Variants in DLG2 observed in about 807,000 individuals in gnomAD.
DLG2 encodes the protein disks large homolog 2.
DLG2 carries 45 observed loss-of-function variants against 132.5 expected under a neutral mutation model. The ratio of observed to expected loss-of-function variants is 0.34; its 90% CI spans 0.27 to 0.44. DLG2 has a LOEUF of 0.44. DLG2 is among the 20% of genes least tolerant of loss of function. The pLI is 1.00. For missense variants in DLG2, 1,045 were observed against 1,196.9 expected, an observed-to-expected ratio of 0.87 and a Z score of 1.87; for synonymous variants, 424 against 419.6, an observed-to-expected ratio of 1.01 and a Z score of -0.13.
At chr11:84,993,388 G>A (rs192012010) in intron 6 of DLG2, among the ~76,000 whole-genome samples, 241 of 152,240 alleles carry the variant, frequency 1.6e-3, no homozygotes, top group African/African-American at 5.6e-3. Flanking sequence ...ATTAAAGATA[G>A]GTATAGTAAT....
chr11:83,606,006 C>T (rs2059283325), intron 19 of DLG2, among the ~76,000 whole-genome samples: 1 of 152,228 alleles, frequency 6.6e-6, no homozygotes, highest in African/African-American at 2.4e-5. Context: ...TGAGTGACTT[C>T]ACTATACTAG....
At chr11:84,658,990 T>G (rs2099691498) in intron 6 of DLG2, among the ~76,000 whole-genome samples, 1 of 152,186 alleles carries the variant, frequency 6.6e-6, no homozygotes, top group South Asian at 2.1e-4. Flanking sequence ...TCAAATCTGT[T>G]GGCGCCTTGA....
At chr11:84,418,890 T>A (rs1296873971) in intron 7 of DLG2, among the ~76,000 whole-genome samples, 2 of 152,210 alleles carry the variant, frequency 1.3e-5, no homozygotes, top group Admixed American at 1.3e-4. Flanking sequence ...TTTCCATATT[T>A]TCCTTGGAAT....
At chr11:83,971,459 A>G (rs1221891025) in intron 12 of DLG2, among the ~76,000 whole-genome samples, 1 of 152,212 alleles carries the variant, frequency 6.6e-6, no homozygotes, top group Non-Finnish European at 1.5e-5. Context: ...GTGGGAATTC[A>G]AATGTGTGTA....
chr11:84,694,987 T>C (rs2058466232), intron 6 of DLG2, among the ~76,000 whole-genome samples: 1 of 151,590 alleles, frequency 6.6e-6, no homozygotes, highest in Non-Finnish European at 1.5e-5. Context: ...TCATTGCTCC[T>C]GGGCTTTGTG....
chr11:85,487,399 T>C (rs1463868397), intron 3 of DLG2, among the ~76,000 whole-genome samples: 1 of 140,056 alleles, frequency 7.1e-6, no homozygotes, highest in Non-Finnish European at 1.5e-5. Flanking sequence ...AAGAAAACTC[T>C]ACAAAATAAT....
chr11:83,651,730 T>C lies in DLG2; in HGVS notation c.1826-18405A>G, dbSNP rs1382068085. The C allele has an allele frequency of 7.3e-6, 3 of 411,242 alleles. No homozygotes were observed. The Admixed American group carries it at 8.2e-5, about 11-fold the overall frequency. The allele number at this position is 411,242 out of a possible 1,614,324, so 25.5% of individuals were successfully genotyped here. On this transcript the variant is annotated intron_variant, in intron 18 of 27. Coordinates refer to ENST00000376104, the MANE Select transcript of DLG2 (RefSeq NM_001142699.3). ...AAGAGAATGCCCTCGGAAGTCTACTTTATAATGCTGTTTGGTTCTAAGTAA... is the reference window on the plus strand; with the variant it reads ...AAGAGAATGCCCTCGGAAGTCTACTCTATAATGCTGTTTGGTTCTAAGTAA...
chr11:83,622,994 T>C (rs2061866523), intron 19 of DLG2, among the ~76,000 whole-genome samples: 1 of 152,220 alleles, frequency 6.6e-6, no homozygotes, highest in Non-Finnish European at 1.5e-5. Flanking sequence ...TTTTTCTGTG[T>C]CTATGATCTA....
intron 3 of DLG2, among the ~76,000 whole-genome samples, chr11:85,294,060 G>A (rs916630952): frequency 2.0e-5 from 3 of 151,978 alleles, no homozygotes; most frequent in Admixed American, 1.3e-4. Flanking sequence ...TGGTCAACAT[G>A]ATGAGAACCC....
chr11:85,422,070 G>A (rs2090356691), intron 3 of DLG2, among the ~76,000 whole-genome samples: 1 of 152,092 alleles, frequency 6.6e-6, no homozygotes, highest in Non-Finnish European at 1.5e-5. Context: ...TAATCTGATA[G>A]GTTTTCCTTT....
In DLG2 at chr11:83,480,000, C is replaced by T. The variant is rs2092968865; in HGVS notation, c.2293+4129G>A. Among the ~76,000 whole-genome samples the T allele has an allele frequency of 2.6e-5, 4 of 152,068 alleles. No homozygotes were observed. The South Asian group carries it at 8.3e-4, about 32-fold the overall frequency. On this transcript the variant is annotated intron_variant, in intron 22 of 27. Transcript: ENST00000376104. Reference sequence around the variant, plus strand: ...GGAAATGGCAAAATAAGAAGGAAAACAATACCATGATGATTTTCCACCTCC... The same window carrying T: ...GGAAATGGCAAAATAAGAAGGAAAATAATACCATGATGATTTTCCACCTCC...
intron 16 of DLG2, among the ~76,000 whole-genome samples, chr11:83,854,388 C>A (rs2060205167): frequency 6.6e-6 from 1 of 152,128 alleles, no homozygotes; most frequent in South Asian, 2.1e-4. Flanking sequence ...AGGCAAAAGA[C>A]CCCAAATAGC....
At chr11:84,738,707 G>A (rs1293192869) in intron 6 of DLG2, among the ~76,000 whole-genome samples, 1 of 152,092 alleles carries the variant, frequency 6.6e-6, no homozygotes, top group African/African-American at 2.4e-5. Context: ...AACCACTTTG[G>A]AAAACAGCTT....
intron 7 of DLG2, among the ~76,000 whole-genome samples, chr11:84,527,179 GA>G (rs2099323818): frequency 6.6e-6 from 1 of 152,178 alleles, no homozygotes; most frequent in South Asian, 2.1e-4. Flanking sequence ...ATTTTAAAAT[GA>G]TGACTATGTG....
chr11:84,306,863 G>C (rs1304391064), intron 7 of DLG2, among the ~76,000 whole-genome samples: 3 of 152,182 alleles, frequency 2.0e-5, no homozygotes. Flanking sequence ...CGAGCTTGTT[G>C]AGAAAAAGGA....
At chr11:83,622,274 G>A (rs978005150) in intron 19 of DLG2, among the ~76,000 whole-genome samples, 2 of 152,072 alleles carry the variant, frequency 1.3e-5, no homozygotes, top group African/African-American at 4.8e-5. Context: ...ATTTTGCACC[G>A]GGCCCCTGCA....
At chr11:84,225,846 TG>T (rs915583662) in intron 8 of DLG2, among the ~76,000 whole-genome samples, 27 of 152,262 alleles carry the variant, frequency 1.8e-4, no homozygotes, top group East Asian at 9.6e-4. Context: ...TTGCTCACTT[TG>T]TTGCCCAGGC....
chr11:84,315,649 A>C (rs1046967372), intron 7 of DLG2, among the ~76,000 whole-genome samples: 5 of 152,172 alleles, frequency 3.3e-5, no homozygotes, highest in African/African-American at 1.2e-4. Flanking sequence ...CCAGTTTAAT[A>C]ATAAAATGGT....
At chr11:83,588,739 T>G (rs866212771) in intron 19 of DLG2, among the ~76,000 whole-genome samples, 1 of 151,536 alleles carries the variant, frequency 6.6e-6, no homozygotes, top group Admixed American at 6.6e-5. Context: ...TTGAAAACTT[T>G]GAAAAAAATT....
Sources: allele counts gnomAD v4.1 joint callset (sites outside exome capture counted in the v4.1 genomes callset), GRCh38; gene constraint gnomAD v4.1.1; transcripts MANE v1.5; gene names NCBI Gene and HGNC (gene_info 2026-07-23, HGNC 2026-07-21).